Variants in LAMA2 observed in about 807,000 individuals in gnomAD.
LAMA2 encodes laminin subunit alpha-2.
In LAMA2, 269 loss-of-function variants were observed where a neutral mutation model predicts 364.8. That is an observed-to-expected ratio of 0.74 (90% confidence interval 0.67 to 0.82). The LOEUF (loss-of-function observed/expected upper bound fraction) is 0.82, where lower values mean the gene tolerates loss of function less well. LAMA2 is among the 40% of genes least tolerant of loss of function. The probability of loss-of-function intolerance (pLI) is 0.00; values close to 1 mark genes in which losing one functional copy is unlikely to be tolerated. For synonymous variants in LAMA2, 1,379 were observed against 1,370.6 expected (o/e 1.01, Z -0.14); for missense variants, 3,807 against 3,873.2 (o/e 0.98, Z 0.45).
chr6:129,504,339 T>G (rs1467553303), intron 60 of LAMA2, among the ~76,000 whole-genome samples: 1 of 152,220 alleles, frequency 6.6e-6, no homozygotes, highest in Non-Finnish European at 1.5e-5. Flanking sequence ...TGAACCACAA[T>G]GAGGCTGGGA....
intron 12 of LAMA2, among the ~76,000 whole-genome samples, chr6:129,200,400 A>G (rs186672764): frequency 7.5e-5 from 11 of 147,344 alleles, no homozygotes; most frequent in Non-Finnish European, 1.3e-4. Context: ...GTGTATATAC[A>G]TGTACACATA....
intron 56 of LAMA2, chr6:129,490,858 T>G (rs1784825339): frequency 6.6e-6 from 1 of 152,228 alleles, no homozygotes; most frequent in Non-Finnish European, 1.5e-5. Context: ...CTTCACCCCC[T>G]TAACAGTGAC....
intron 8 of LAMA2, among the ~76,000 whole-genome samples, chr6:129,161,391 T>C (rs1314326892): frequency 1.3e-5 from 2 of 152,198 alleles, no homozygotes; most frequent in East Asian, 3.8e-4. Context: ...TGGGTTTTGC[T>C]ATTTGTTTCC....
chr6:129,157,065 C>T (rs1779156926), intron 8 of LAMA2, among the ~76,000 whole-genome samples: 1 of 152,156 alleles, frequency 6.6e-6, no homozygotes, highest in Admixed American at 6.5e-5. Context: ...AACACATCAT[C>T]ATCTATAGGC....
intron 46 of LAMA2, 115 bp from the exon 47 acceptor site, chr6:129,454,040 C>T (rs921390406): frequency 1.9e-5 from 13 of 700,888 alleles, no homozygotes; most frequent in Non-Finnish European, 3.4e-5. Flanking sequence ...TATCATGAAG[C>T]TCCTAATCAT....
At chr6:128,929,686 CA>C in intron 1 of LAMA2, 1 of 1,404,812 alleles carries the variant, frequency 7.1e-7, no homozygotes, top group Non-Finnish European at 1.0e-6. Flanking sequence ...GCCAAGAAAT[CA>C]AGGGCAATCA....
rs777637457 is a variant in LAMA2 at position 129,192,817 on chromosome 6, C to T, written c.1746C>T (p.Tyr582=). The T allele has an allele frequency of 1.2e-6, 2 of 1,614,162 alleles. No individual in the cohort carries two copies. The highest frequency in any genetic ancestry group is 1.7e-6 in the Non-Finnish European group (2 of 1,180,018). The change falls in exon 12 of 65, where the codon TAC becomes TAT. Residue 582 remains tyrosine (Y), a synonymous_variant. Transcript: ENST00000421865. ...CCCGGCAAGCCCTGCCGCACAGCTACTACTGGAGCGCGCCGGCTCCCTATC... is the reference window on the plus strand; with the variant it reads ...CCCGGCAAGCCCTGCCGCACAGCTATTACTGGAGCGCGCCGGCTCCCTATC... ...AEARQALPHS[Y]YWSAPAPYLG...
At chr6:129,299,032 C>T (rs1562431968) in intron 21 of LAMA2, among the ~76,000 whole-genome samples, 1 of 151,550 alleles carries the variant, frequency 6.6e-6, no homozygotes, top group Non-Finnish European at 1.5e-5. Flanking sequence ...CATTTAAATA[C>T]ATATAGTAAC....
intron 1 of LAMA2, among the ~76,000 whole-genome samples, chr6:128,931,013 G>A (rs1779440649): frequency 6.6e-6 from 1 of 152,038 alleles, no homozygotes; most frequent in Non-Finnish European, 1.5e-5. Context: ...GTATCTCTAT[G>A]AGGCTTTTTC....
chr6:129,484,701 A>G (rs1290950358), intron 55 of LAMA2, among the ~76,000 whole-genome samples: 1 of 152,224 alleles, frequency 6.6e-6, no homozygotes, highest in Non-Finnish European at 1.5e-5. Context: ...TACAAGTAGC[A>G]CTAAACAACA....
At chr6:129,130,103 A>G (rs1451594298) in intron 4 of LAMA2, among the ~76,000 whole-genome samples, 1 of 152,202 alleles carries the variant, frequency 6.6e-6, no homozygotes, top group African/African-American at 2.4e-5. Flanking sequence ...AGCAGAAAGG[A>G]TTAGAAACAG....
intron 1 of LAMA2, among the ~76,000 whole-genome samples, chr6:129,032,122 A>G (rs1288157159): frequency 6.6e-6 from 1 of 152,176 alleles, no homozygotes. Flanking sequence ...CCATCCTCTG[A>G]TATGAATTTC....
intron 37 of LAMA2, among the ~76,000 whole-genome samples, chr6:129,397,427 C>T (rs985566761): frequency 6.6e-6 from 1 of 152,198 alleles, no homozygotes; most frequent in Non-Finnish European, 1.5e-5. Context: ...CTCCTCCACA[C>T]AAGCCATGAG....
chr6:129,083,345 G>A (rs1043781120), intron 3 of LAMA2, among the ~76,000 whole-genome samples: 1 of 152,104 alleles, frequency 6.6e-6, no homozygotes, highest in African/African-American at 2.4e-5. Flanking sequence ...TAACATAAGC[G>A]AGACAGAACA....
In LAMA2 at chr6:129,479,890, A is replaced by G. The variant is rs539196513; in HGVS notation, c.7572+1077A>G. ...TTGGGAATAAGAAAAGAGAAAACAC[A>G]TTAAGAACTAAAACTGTAAGGACCC... On this transcript the variant is annotated intron_variant, in intron 54 of 64. Coordinates refer to ENST00000421865, the MANE Select transcript of LAMA2 (RefSeq NM_000426.4). The G allele has an allele frequency of 3.9e-5, 6 of 152,296 alleles. No homozygotes were observed. In the South Asian group the frequency reaches 1.2e-3, roughly 32 times the overall value. The allele number at this position is 152,296 out of a possible 1,614,324, so 9.4% of individuals were successfully genotyped here. A position where few individuals can be genotyped will look rare whatever the true frequency, so the allele number is the denominator to read the frequency against.
chr6:129,478,943 T>C lies in LAMA2; in HGVS notation c.7572+130T>C, dbSNP rs1451134407. 1.1e-5 allele frequency: 9 copies of C among 828,986 alleles called. No individual in the cohort carries two copies. The Admixed American group carries it at 1.7e-4, about 15-fold the overall frequency. The allele number at this position is 828,986 out of a possible 1,614,324, so 51.4% of individuals were successfully genotyped here. On this transcript the variant is annotated intron_variant, in intron 54 of 64. Transcript: ENST00000421865. Reference sequence around the variant, plus strand: ...TTCTACTGATCCTACTCTTAAACGATAAAGCAAGATTAAAGCATTCTCTAA... The same window carrying C: ...TTCTACTGATCCTACTCTTAAACGACAAAGCAAGATTAAAGCATTCTCTAA...
intron 29 of LAMA2, among the ~76,000 whole-genome samples, chr6:129,338,963 G>T (rs1776104960): frequency 6.8e-6 from 1 of 148,056 alleles, no homozygotes; most frequent in Non-Finnish European, 1.5e-5. Context: ...CACAGTGGTG[G>T]TGAAGGCGGG....
chr6:129,396,414 C>T (rs990240830), intron 37 of LAMA2, among the ~76,000 whole-genome samples: 21 of 152,136 alleles, frequency 1.4e-4, no homozygotes, highest in African/African-American at 5.1e-4. Flanking sequence ...GACAGAGCAA[C>T]AGGAACCCCA....
chr6:129,058,101 C>A (rs1788612515), intron 2 of LAMA2, among the ~76,000 whole-genome samples: 1 of 152,166 alleles, frequency 6.6e-6, no homozygotes, highest in Non-Finnish European at 1.5e-5. Context: ...CTTACTGCAG[C>A]CTTGGGAATA....
Sources: gnomAD v4.1 joint callset for allele counts (sites outside exome capture counted in the v4.1 genomes callset) on GRCh38, gnomAD v4.1.1 for gene constraint, MANE v1.5 for transcripts, NCBI Gene and HGNC (gene_info 2026-07-23, HGNC 2026-07-21) for gene names.